The following PDE11A variants were observed in gnomAD, a reference collection of about 807,000 sequenced individuals.
PDE11A encodes the protein dual 3',5'-cyclic-AMP and -GMP phosphodiesterase 11A.
In PDE11A, 100 loss-of-function variants were observed where a neutral mutation model predicts 100.5. The observed-to-expected ratio is 1.00, with a 90% CI of 0.85 to 1.18. The LOEUF (loss-of-function observed/expected upper bound fraction) is 1.18. Among genes scored for constraint, PDE11A ranks in the 50% most tolerant of loss-of-function variants. The pLI is 0.00. For synonymous variants in PDE11A, 381 were observed against 420.8 expected, an observed-to-expected ratio of 0.91 and a Z score of 1.16; for missense variants, 1,141 against 1,152.6, an observed-to-expected ratio of 0.99 and a Z score of 0.15.
At chr2:177,844,614 T>G (rs888703551) in intron 5 of PDE11A, among the ~76,000 whole-genome samples, 1 of 151,558 alleles carries the variant, frequency 6.6e-6, no homozygotes, top group Non-Finnish European at 1.5e-5. Flanking sequence ...CATAGGACAA[T>G]AGTGGAGGGA....
chr2:177,817,947 T>C (rs954590407), intron 7 of PDE11A, 22 bp from the exon 8 acceptor site: 5 of 1,174,632 alleles, frequency 4.3e-6, no homozygotes, highest in Non-Finnish European at 6.4e-6. Flanking sequence ...GAGTGGATTA[T>C]GTGGTCATTT....
intron 10 of PDE11A, among the ~76,000 whole-genome samples, chr2:177,747,957 T>C (rs906295047): frequency 2.0e-5 from 3 of 151,982 alleles, no homozygotes; most frequent in Admixed American, 6.6e-5. Context: ...AATCTACCAT[T>C]TCCAGTCCAG....
chr2:178,108,337 G>C (rs554583895), exon 1 of PDE11A: 1 of 152,244 alleles, frequency 6.6e-6, no homozygotes, highest in Non-Finnish European at 1.5e-5. Flanking sequence ...TGGGCTGCAA[G>C]CGCAGCCGGA....
At chr2:177,947,520 A>G (rs2105780448) in intron 2 of PDE11A, among the ~76,000 whole-genome samples, 1 of 152,162 alleles carries the variant, frequency 6.6e-6, no homozygotes, top group East Asian at 1.9e-4. Flanking sequence ...CGTTGAATGG[A>G]TTAAGGGCGG....
intron 2 of PDE11A, among the ~76,000 whole-genome samples, chr2:177,921,080 T>G (rs1473735176): frequency 6.7e-6 from 1 of 149,376 alleles, no homozygotes; most frequent in African/African-American, 2.5e-5. Context: ...AAAAAAATTG[T>G]TTCAAAAATA....
chr2:177,831,653 T>C (rs1197684223), intron 6 of PDE11A, among the ~76,000 whole-genome samples: 1 of 152,162 alleles, frequency 6.6e-6, no homozygotes, highest in African/African-American at 2.4e-5. Flanking sequence ...ATATGGTCCA[T>C]GGGGCAAGTC....
intron 10 of PDE11A, among the ~76,000 whole-genome samples, chr2:177,766,952 G>C (rs1159065560): frequency 1.3e-5 from 2 of 152,212 alleles, no homozygotes; most frequent in African/African-American, 4.8e-5. Context: ...ATATATTTGT[G>C]AGCTAACAAT....
chr2:177,991,155 T>C (rs13022267), intron 2 of PDE11A, among the ~76,000 whole-genome samples: 8,557 of 146,552 alleles, frequency 0.058, 461 homozygotes, highest in South Asian at 0.1. Context: ...AAAACCACCA[T>C]CTCTACTAAA....
intron 9 of PDE11A, among the ~76,000 whole-genome samples, chr2:177,799,973 A>G (rs1463036713): frequency 6.6e-6 from 1 of 152,176 alleles, no homozygotes; most frequent in South Asian, 2.1e-4. Context: ...ACACAGTGGT[A>G]AAGATTTTAC....
chr2:177,911,884 C>CAA (rs199655050), intron 2 of PDE11A, among the ~76,000 whole-genome samples: 3 of 125,646 alleles, frequency 2.4e-5, no homozygotes, highest in African/African-American at 5.9e-5. Flanking sequence ...ACTCCATCTC[C>CAA]AAAAAAAAAA....
chr2:177,736,310 G>A (rs1373855341), intron 10 of PDE11A, among the ~76,000 whole-genome samples: 2 of 151,956 alleles, frequency 1.3e-5, no homozygotes, highest in African/African-American at 2.4e-5. Flanking sequence ...TCAGGAGTTC[G>A]AGACCAGCCT....
chr2:178,091,513 G>A (rs965691293), intron 2 of PDE11A, among the ~76,000 whole-genome samples: 1 of 152,174 alleles, frequency 6.6e-6, no homozygotes, highest in Non-Finnish European at 1.5e-5. Flanking sequence ...ACATCACAGG[G>A]CTATTGTTGT....
At chr2:177,769,623 C>T (rs77727269) in intron 9 of PDE11A, among the ~76,000 whole-genome samples, 11 of 152,204 alleles carry the variant, frequency 7.2e-5, no homozygotes, top group Middle Eastern at 3.4e-3. Flanking sequence ...TGCAGTGCTT[C>T]GCGCCTGTAA....
intron 9 of PDE11A, among the ~76,000 whole-genome samples, chr2:177,795,530 G>T (rs187169371): frequency 3.9e-5 from 6 of 152,242 alleles, no homozygotes; most frequent in Admixed American, 3.3e-4. Context: ...GGAGAAGGGG[G>T]TGGGGGCTTT....
chr2:178,094,103 A>G (rs915586910), intron 2 of PDE11A, among the ~76,000 whole-genome samples: 2 of 152,220 alleles, frequency 1.3e-5, no homozygotes, highest in African/African-American at 4.8e-5. Flanking sequence ...TATCTTCATC[A>G]GAAGATGGGT....
At chr2:177,753,608 G>A (rs921715892) in intron 10 of PDE11A, among the ~76,000 whole-genome samples, 1 of 151,800 alleles carries the variant, frequency 6.6e-6, no homozygotes, top group Non-Finnish European at 1.5e-5. Flanking sequence ...GGATCAGTTA[G>A]TGATAGAGTA....
intron 4 of PDE11A, among the ~76,000 whole-genome samples, chr2:177,890,270 T>G (rs538112200): frequency 2.0e-5 from 3 of 152,196 alleles, no homozygotes; most frequent in Non-Finnish European, 4.4e-5. Context: ...CAGCCTTGTT[T>G]CCAGGATGAC....
chr2:178,074,508 C>A (rs1262605634), upstream of PDE11A, among the ~76,000 whole-genome samples: 1 of 152,138 alleles, frequency 6.6e-6, no homozygotes, highest in Non-Finnish European at 1.5e-5. Context: ...AAGCAATGAG[C>A]TTCTCAGGGA....
chr2:177,990,837 A>C (rs2085994755), intron 2 of PDE11A, among the ~76,000 whole-genome samples: 1 of 149,164 alleles, frequency 6.7e-6, no homozygotes, highest in African/African-American at 2.5e-5. Flanking sequence ...TCACAAGGTC[A>C]ACAAAAATTA....
Sources: allele counts gnomAD v4.1 joint callset (sites outside exome capture counted in the v4.1 genomes callset), GRCh38; gene constraint gnomAD v4.1.1; transcripts MANE v1.5; gene names NCBI Gene and HGNC (gene_info 2026-07-23, HGNC 2026-07-21).